The following CNOT4 variants were observed in gnomAD, a reference collection of about 807,000 sequenced individuals.
CNOT4 encodes CCR4-associated factor 4.
A neutral mutation model predicts 73.8 loss-of-function variants in CNOT4; 8 were observed. The observed-to-expected ratio is 0.11, with a 90% CI of 0.06 to 0.20. The LOEUF is 0.20. Ranked by LOEUF, CNOT4 falls within the 10% of genes least tolerant of loss-of-function variation. The pLI is 1.00. For synonymous variants in CNOT4, 293 were observed against 321.1 expected (o/e 0.91, Z 0.94); for missense variants, 564 against 883.4 (o/e 0.64, Z 4.58).
At chr7:135,507,563 AG>A (rs1286839636) in intron 1 of CNOT4, among the ~76,000 whole-genome samples, 1 of 152,148 alleles carries the variant, frequency 6.6e-6, no homozygotes, top group Non-Finnish European at 1.5e-5. Flanking sequence ...AAAATTATGG[AG>A]GGGAAAGAAT....
intron 2 of CNOT4, among the ~76,000 whole-genome samples, chr7:135,427,763 T>A (rs553420999): frequency 8.2e-5 from 12 of 145,472 alleles, no homozygotes; most frequent in South Asian, 2.1e-4. Flanking sequence ...AACATAAAAA[T>A]TTTTTTTTTC....
chr7:135,377,270 T>C (rs1467913345), intron 10 of CNOT4, among the ~76,000 whole-genome samples: 2 of 152,174 alleles, frequency 1.3e-5, no homozygotes, highest in African/African-American at 2.4e-5. Flanking sequence ...ATCTGTACTT[T>C]CTAAAAATGA....
At chr7:135,369,579 G>A (rs549741630) in intron 10 of CNOT4, among the ~76,000 whole-genome samples, 1 of 152,294 alleles carries the variant, frequency 6.6e-6, no homozygotes, top group South Asian at 2.1e-4. Flanking sequence ...CAAAACCACA[G>A]GCTCCAGTGG....
At chr7:135,485,229 C>T (rs1030772448) in intron 1 of CNOT4, among the ~76,000 whole-genome samples, 1 of 152,122 alleles carries the variant, frequency 6.6e-6, no homozygotes, top group Admixed American at 6.6e-5. Flanking sequence ...CGTGCCGCCA[C>T]ACCCAGCTAA....
chr7:135,379,896 T>G (rs1300844894), intron 10 of CNOT4, among the ~76,000 whole-genome samples: 1 of 152,208 alleles, frequency 6.6e-6, no homozygotes, highest in Non-Finnish European at 1.5e-5. Context: ...CTACTTTCTG[T>G]TCCATCAATA....
Position 135,397,850 on chromosome 7 carries a change from A to G in CNOT4, c.879+319T>C, listed in dbSNP as rs78866773. 5.7e-4 allele frequency among the ~76,000 whole-genome samples: 87 copies of G among 152,258 alleles called. 1 individual carries two copies. The East Asian group carries it at 0.016, about 29-fold the overall frequency. ...AAGGGGAGTATGTGGTAGGAATACAATTCTTAAAAGCAAGGAACTCAGAAG... is the reference window on the plus strand; with the variant it reads ...AAGGGGAGTATGTGGTAGGAATACAGTTCTTAAAAGCAAGGAACTCAGAAG... On this transcript the variant is annotated intron_variant, in intron 8 of 11. Coordinates refer to ENST00000541284, the MANE Select transcript of CNOT4 (RefSeq NM_001190850.2).
At chr7:135,502,557 G>A (rs1804051777) in intron 1 of CNOT4, among the ~76,000 whole-genome samples, 1 of 152,218 alleles carries the variant, frequency 6.6e-6, no homozygotes, top group Non-Finnish European at 1.5e-5. Context: ...GCTCAGGCCT[G>A]TAATCCCAAC....
At chr7:135,372,422 CA>C (rs1795258050) in intron 10 of CNOT4, among the ~76,000 whole-genome samples, 1 of 152,206 alleles carries the variant, frequency 6.6e-6, no homozygotes. Flanking sequence ...TCACTTTTTA[CA>C]ACTAGACTTT....
intron 1 of CNOT4, among the ~76,000 whole-genome samples, chr7:135,502,024 T>C (rs1804001320): frequency 6.6e-6 from 1 of 152,194 alleles, no homozygotes; most frequent in Admixed American, 6.5e-5. Context: ...GCCCTCTCTG[T>C]TCTTGTTCTC....
At chr7:135,377,215 A>G (rs1795569473) in intron 10 of CNOT4, among the ~76,000 whole-genome samples, 1 of 152,236 alleles carries the variant, frequency 6.6e-6, no homozygotes, top group Non-Finnish European at 1.5e-5. Flanking sequence ...CACATTACTA[A>G]GTGGAAGAAG....
chr7:135,477,481 A>G (rs1300659417), intron 1 of CNOT4, among the ~76,000 whole-genome samples: 6 of 152,224 alleles, frequency 3.9e-5, no homozygotes, highest in African/African-American at 1.4e-4. Flanking sequence ...GTGTATTCTT[A>G]TAGACACACC....
intron 1 of CNOT4, among the ~76,000 whole-genome samples, chr7:135,479,446 T>C (rs2129487168): frequency 6.6e-6 from 1 of 151,970 alleles, no homozygotes; most frequent in South Asian, 2.1e-4. Context: ...CTTGACCTTG[T>C]GATCCGCCCG....
At chr7:135,478,397 C>G (rs1802135094) in intron 1 of CNOT4, among the ~76,000 whole-genome samples, 1 of 152,132 alleles carries the variant, frequency 6.6e-6, no homozygotes, top group African/African-American at 2.4e-5. Flanking sequence ...TCATAAAAAT[C>G]AACCAGGCCA....
At chr7:135,388,833 T>C (rs761148564) in intron 10 of CNOT4, 1 of 1,613,232 alleles carries the variant, frequency 6.2e-7, no homozygotes, top group South Asian at 1.1e-5. Context: ...GCTGCTGTCC[T>C]TGTTGTAATG....
chr7:135,410,566 C>A lies in CNOT4; in HGVS notation c.770G>T (p.Gly257Val). ...TTTGTTCTTATTTTTATCAACTGAA[C>A]CCGTAGATAGCTGAAGAAAATTGGG... ...LNPNFLQLST[G>V]SVDKNKNKVT... The change falls in exon 7 of 12, where the codon GGT (glycine) becomes GTT (valine). Residue 257 changes from glycine to valine, a missense_variant. Gly to Val is a moderately radical substitution (Grantham distance 109, BLOSUM62 -3). Around this residue, in one of 10 missense-constraint regions of CNOT4, gnomAD observed 135 missense variants for 154.0 expected, o/e 0.88. Transcript: ENST00000541284. 6.3e-7 allele frequency: 1 copy of A among 1,576,324 alleles called. No individual in the cohort carries two copies. The highest frequency in any genetic ancestry group is 1.4e-5 in the African/African-American group (1 of 73,058).
At chr7:135,378,508 TAGAG>T (rs1054508507) in intron 10 of CNOT4, among the ~76,000 whole-genome samples, 2 of 94,564 alleles carry the variant, frequency 2.1e-5, no homozygotes, top group African/African-American at 9.1e-5. Context: ...AAAATAAAAA[TAGAG>T]AGAAGGAAAA....
At chr7:135,484,009 C>T (rs1802557613) in intron 1 of CNOT4, among the ~76,000 whole-genome samples, 1 of 152,116 alleles carries the variant, frequency 6.6e-6, no homozygotes, top group Non-Finnish European at 1.5e-5. Context: ...GCCTGGCCAA[C>T]ATGGTAGAAC....
chr7:135,414,047 G>A (rs781662993), intron 5 of CNOT4, among the ~76,000 whole-genome samples: 1 of 151,878 alleles, frequency 6.6e-6, no homozygotes, highest in African/African-American at 2.4e-5. Flanking sequence ...ACCTATTTCT[G>A]AAGAAAATAA....
intron 1 of CNOT4, among the ~76,000 whole-genome samples, chr7:135,463,035 C>T (rs923553006): frequency 3.3e-5 from 5 of 152,164 alleles, no homozygotes; most frequent in Non-Finnish European, 7.3e-5. Context: ...AACAGACAGC[C>T]GTAGATGTGC....
Sources: gnomAD v4.1 joint callset for allele counts (sites outside exome capture counted in the v4.1 genomes callset) on GRCh38, gnomAD v4.1.1 for gene constraint, gnomAD v4.1.1 regional missense constraint, MANE v1.5 for transcripts, NCBI Gene and HGNC (gene_info 2026-07-23, HGNC 2026-07-21) for gene names.